Variants in LRRC8D observed in about 807,000 individuals in gnomAD.
LRRC8D encodes the protein volume-regulated anion channel subunit LRRC8D.
Under a neutral mutation model 55.8 loss-of-function variants are expected in LRRC8D, and 20 were observed. That is an observed-to-expected ratio of 0.36 (90% CI 0.25 to 0.52). The LOEUF (loss-of-function observed/expected upper bound fraction) is 0.52, where lower values mean the gene tolerates loss of function less well. LRRC8D is among the 20% of genes least tolerant of loss of function. The pLI, the probability that LRRC8D is intolerant of heterozygous loss-of-function variation, is 0.93. For missense variants in LRRC8D, 651 were observed against 1,030.8 expected (o/e 0.63, Z 5.05); for synonymous variants, 352 against 377.0 (o/e 0.93, Z 0.77).
intron 2 of LRRC8D, among the ~76,000 whole-genome samples, chr1:89,921,185 G>A (rs2100971718): frequency 1.3e-5 from 2 of 152,222 alleles, no homozygotes; most frequent in Admixed American, 1.3e-4. Context: ...GCAACATGGT[G>A]AAACCCTGTC....
At chr1:89,829,372 A>G (rs983245607) in intron 1 of LRRC8D, among the ~76,000 whole-genome samples, 5 of 152,236 alleles carry the variant, frequency 3.3e-5, no homozygotes, top group Non-Finnish European at 7.3e-5. Flanking sequence ...TTCCCACTCT[A>G]CGGATGAGGT....
At chr1:89,867,467 T>A (rs1168720821) in intron 2 of LRRC8D, among the ~76,000 whole-genome samples, 1 of 152,230 alleles carries the variant, frequency 6.6e-6, no homozygotes, top group Non-Finnish European at 1.5e-5. Flanking sequence ...GACTTTTTCA[T>A]CTTACAAAAC....
rs1412909715 is a variant in LRRC8D, at chr1:89,892,837, T to C, written c.-2-40230T>C. 2.0e-5 allele frequency among the ~76,000 whole-genome samples: 3 copies of C among 152,208 alleles called. No individual in the cohort carries two copies. In the East Asian group the frequency reaches 5.8e-4, roughly 29 times the overall value. ...GCCTGGCCGTAGATTGATATTTCTG[T>C]CAAATTCACAAGGTTATTATATGTA... On this transcript the variant is annotated intron_variant, in intron 2 of 2. Transcript: ENST00000337338.
At chr1:89,824,265 A>G (rs754084487) in intron 1 of LRRC8D, among the ~76,000 whole-genome samples, 21 of 152,302 alleles carry the variant, frequency 1.4e-4, no homozygotes, top group Non-Finnish European at 2.4e-4. Flanking sequence ...TGGGAGGAGT[A>G]ATAACATTGA....
intron 2 of LRRC8D, among the ~76,000 whole-genome samples, chr1:89,921,508 T>A (rs1421822974): frequency 6.6e-6 from 1 of 152,018 alleles, no homozygotes; most frequent in African/African-American, 2.4e-5. Flanking sequence ...CAGATAAACT[T>A]TTAAAGGTTT....
At chr1:89,852,526 T>C (rs1313944053) in intron 2 of LRRC8D, among the ~76,000 whole-genome samples, 3 of 152,148 alleles carry the variant, frequency 2.0e-5, no homozygotes, top group East Asian at 1.9e-4. Flanking sequence ...GAGGATGCAA[T>C]GTGAGTATGA....
At chr1:89,895,725 TGAAA>T (rs1032113204) in intron 2 of LRRC8D, among the ~76,000 whole-genome samples, 2 of 152,222 alleles carry the variant, frequency 1.3e-5, no homozygotes, top group Admixed American at 6.5e-5. Flanking sequence ...TTAGATGTCT[TGAAA>T]GAACTCTAAG....
chr1:89,931,177 A>G lies in LRRC8D; in HGVS notation c.-2-1890A>G, dbSNP rs188814847. ...TACAAAACTAACTACAGATGTGATC[A>G]TTGCTGTAGTATTCATTGTATTTTA... On this transcript the variant is annotated intron_variant, in intron 2 of 2. Transcript: ENST00000337338. 3.5e-3 allele frequency among the ~76,000 whole-genome samples: 514 copies of G among 145,474 alleles called. 3 individuals carry two copies. Among genetic ancestry groups the G allele is most frequent in the African/African-American group, 0.013 (501 of 39,360 alleles).
At chr1:89,891,293 T>C (rs950806455) in intron 2 of LRRC8D, among the ~76,000 whole-genome samples, 4 of 152,242 alleles carry the variant, frequency 2.6e-5, no homozygotes, top group African/African-American at 7.2e-5. Flanking sequence ...ATTGGGGTTA[T>C]GCATTTTTGG....
intron 2 of LRRC8D, among the ~76,000 whole-genome samples, chr1:89,900,781 T>C (rs1662829605): frequency 6.6e-6 from 1 of 152,216 alleles, no homozygotes; most frequent in Admixed American, 6.5e-5. Context: ...CAGCATCTCA[T>C]CAAGACTATT....
intron 1 of LRRC8D, among the ~76,000 whole-genome samples, chr1:89,823,873 G>A (rs766375026): frequency 3.3e-5 from 5 of 152,196 alleles, no homozygotes; most frequent in Non-Finnish European, 7.3e-5. Flanking sequence ...GTGGAAATCT[G>A]AATTGACTTT....
intron 2 of LRRC8D, among the ~76,000 whole-genome samples, chr1:89,890,688 G>T (rs1161192660): frequency 6.6e-6 from 1 of 152,110 alleles, no homozygotes; most frequent in Non-Finnish European, 1.5e-5. Flanking sequence ...TTATGTTAAT[G>T]CCTTACATAC....
At position 89,934,628 on chromosome 1, in the gene LRRC8D, C is replaced by T. The variant is rs762806009; in HGVS notation, c.1560C>T (p.Leu520=). The change falls in exon 3 of 3, where the codon CTC becomes CTT. Residue 520 remains leucine, a synonymous_variant. Transcript: ENST00000337338. The surrounding 1 kb of genome is among the most constrained non-coding windows in gnomAD (Gnocchi z 5.9). ...TGACTAACCTCCAAGAGCTCCACCT[C>T]TGCCACTGCCCTGCAAAAGTTGAAC... ...SQMTNLQELH[L]CHCPAKVEQT... 1.9e-6 allele frequency: 3 copies of T among 1,614,230 alleles called. No homozygotes were observed. Among genetic ancestry groups the T allele is most frequent in the East Asian group, 4.5e-5 (2 of 44,888 alleles).
intron 2 of LRRC8D, among the ~76,000 whole-genome samples, chr1:89,896,884 A>T (rs761178293): frequency 1.8e-4 from 27 of 152,248 alleles, no homozygotes; most frequent in Admixed American, 1.6e-3. Context: ...TACTTGTTGG[A>T]TGCCTATTGT....
Position 89,934,832 on chromosome 1 carries a change from G to A in LRRC8D, c.1764G>A (p.Arg588=), listed in dbSNP as rs1450560977. The A allele has an allele frequency of 1.2e-6, 2 of 1,614,066 alleles. No individual in the cohort carries two copies. ...GACTTGAATCTCTCCGAGAGTTGCG[G>A]CACCTTAAGATTCTCCACGTGAAGA... ...MIGLESLREL[R]HLKILHVKSN... is the part of the protein sequence containing the mutation. Residue 588 remains arginine (R), a synonymous_variant, in exon 3 of 3, where the codon CGG becomes CGA. Transcript: ENST00000337338. This position sits in a 1 kb window ranked among gnomAD's most constrained non-coding sequence, Gnocchi z 5.9.
At chr1:89,919,151 C>T (rs1390752228) in intron 2 of LRRC8D, among the ~76,000 whole-genome samples, 1 of 152,142 alleles carries the variant, frequency 6.6e-6, no homozygotes, top group African/African-American at 2.4e-5. Context: ...AATAAACTAC[C>T]AAGTAATCCT....
intron 2 of LRRC8D, among the ~76,000 whole-genome samples, chr1:89,866,262 G>A (rs1661847090): frequency 6.6e-6 from 1 of 152,104 alleles, no homozygotes; most frequent in South Asian, 2.1e-4. Context: ...TATCATTGCC[G>A]TGTGTGCTTA....
At chr1:89,872,151 A>G (rs1033906734) in intron 2 of LRRC8D, among the ~76,000 whole-genome samples, 3 of 152,236 alleles carry the variant, frequency 2.0e-5, no homozygotes, top group African/African-American at 4.8e-5. Context: ...GACAAGTGCC[A>G]TAGTTTAAAC....
intron 2 of LRRC8D, among the ~76,000 whole-genome samples, chr1:89,904,433 G>A (rs1311548746): frequency 6.6e-6 from 1 of 152,200 alleles, no homozygotes; most frequent in African/African-American, 2.4e-5. Context: ...GTTCAGCCCA[G>A]GGGAAAGGGA....
Sources: gnomAD v4.1 joint callset for allele counts (sites outside exome capture counted in the v4.1 genomes callset) on GRCh38, gnomAD v4.1.1 for gene constraint, Gnocchi (gnomAD v3.1) non-coding constraint, MANE v1.5 for transcripts, NCBI Gene and HGNC (gene_info 2026-07-23, HGNC 2026-07-21) for gene names.